ATE1: variants seen among roughly 807,000 people sequenced by gnomAD.
ATE1 encodes arginyl-tRNA--protein transferase 1.
Under a neutral mutation model 70.5 loss-of-function variants are expected in ATE1, and 36 were observed. The observed-to-expected ratio is 0.51, with a 90% confidence interval of 0.39 to 0.67. The LOEUF is 0.67. Among genes scored for constraint, ATE1 ranks in the 30% least tolerant of loss-of-function variants. The pLI is 0.00. For synonymous variants in ATE1, 232 were observed against 219.3 expected (o/e 1.06, Z -0.51); for missense variants, 593 against 629.5 (o/e 0.94, Z 0.62).
chr10:121,743,681 C>T lies in ATE1; in HGVS notation c.1556G>A (p.Ter519=), dbSNP rs1310077198. 6.2e-7 allele frequency: 1 copy of T among 1,606,158 alleles called. No individual in the cohort carries two copies. The highest frequency in any genetic ancestry group is 8.5e-7 in the Non-Finnish European group (1 of 1,176,796). The change falls in exon 12 of 12, where the codon TGA becomes TAA. Residue 519 remains the stop codon, a stop_retained_variant. Transcript: ENST00000224652. Reference sequence around the variant, plus strand: ...AACTTCCCGGCAGAGGTGAACAGGTCAGTTTCTGAACAGCAGCATCCGCTC... The same window carrying T: ...AACTTCCCGGCAGAGGTGAACAGGTTAGTTTCTGAACAGCAGCATCCGCTC... The part of the protein sequence containing the change: ...CSERMLLFRN[*]
chr10:121,928,291 C>A, upstream of ATE1: 1 of 1,492,724 alleles, frequency 6.7e-7, no homozygotes, highest in Non-Finnish European at 8.9e-7. Flanking sequence ...TTTCCCCCGC[C>A]GAGGGCCTGT....
chr10:121,861,976 G>T (rs1417026712), intron 8 of ATE1, among the ~76,000 whole-genome samples: 1 of 152,088 alleles, frequency 6.6e-6, no homozygotes, highest in Non-Finnish European at 1.5e-5. Flanking sequence ...AAGATGTCTA[G>T]TCCCCCGAGT....
chr10:121,756,587 G>C (rs1041151477), intron 11 of ATE1, among the ~76,000 whole-genome samples: 10 of 152,196 alleles, frequency 6.6e-5, no homozygotes, highest in African/African-American at 2.4e-4. Context: ...CTGAAATCTA[G>C]GCAGAGGTTC....
At chr10:121,812,659 AG>A (rs552515238) in intron 10 of ATE1, among the ~76,000 whole-genome samples, 2 of 152,218 alleles carry the variant, frequency 1.3e-5, no homozygotes, top group Non-Finnish European at 2.9e-5. Flanking sequence ...TTGCAAAAAA[AG>A]AACATAGACA....
At chr10:121,834,705 T>A (rs1948369843) in intron 10 of ATE1, among the ~76,000 whole-genome samples, 1 of 151,568 alleles carries the variant, frequency 6.6e-6, no homozygotes, top group African/African-American at 2.4e-5. Flanking sequence ...TTTCCACGAA[T>A]GGAAAAGAAG....
chr10:121,748,652 GTTTT>G (rs1034935913), intron 11 of ATE1, among the ~76,000 whole-genome samples: 1 of 142,954 alleles, frequency 7.0e-6, no homozygotes, highest in African/African-American at 2.5e-5. Flanking sequence ...TAGTTTTTTT[GTTTT>G]TTTTTTTAAC....
At chr10:121,749,291 G>T (rs1443784006) in intron 11 of ATE1, among the ~76,000 whole-genome samples, 1 of 152,068 alleles carries the variant, frequency 6.6e-6, no homozygotes, top group African/African-American at 2.4e-5. Flanking sequence ...ATTCTGTCAG[G>T]AACAATTTAT....
At chr10:121,862,833 T>A (rs1949523510) in intron 8 of ATE1, among the ~76,000 whole-genome samples, 1 of 152,070 alleles carries the variant, frequency 6.6e-6, no homozygotes, top group Admixed American at 6.5e-5. Flanking sequence ...CATAAGACAC[T>A]CCTACCAGTG....
intron 7 of ATE1, among the ~76,000 whole-genome samples, chr10:121,885,965 T>C (rs541020448): frequency 1.3e-5 from 2 of 152,056 alleles, no homozygotes; most frequent in Non-Finnish European, 2.9e-5. Flanking sequence ...TTACTATCAT[T>C]CTGTTAATTA....
At chr10:121,838,078 G>T (rs1237394327) in intron 9 of ATE1, among the ~76,000 whole-genome samples, 1 of 152,080 alleles carries the variant, frequency 6.6e-6, no homozygotes, top group Non-Finnish European at 1.5e-5. Context: ...CTCCACCTCA[G>T]ATATTCTGGG....
intron 11 of ATE1, among the ~76,000 whole-genome samples, chr10:121,753,697 T>C (rs1363657323): frequency 6.6e-6 from 1 of 152,264 alleles, no homozygotes; most frequent in Non-Finnish European, 1.5e-5. Context: ...ATTTCTATTC[T>C]ATGTTTTGAC....
intron 11 of ATE1, among the ~76,000 whole-genome samples, chr10:121,788,258 T>G (rs997791130): frequency 6.6e-6 from 1 of 152,222 alleles, no homozygotes; most frequent in African/African-American, 2.4e-5. Context: ...GCAACATATC[T>G]GATCAATGAG....
rs563302068 is a variant in ATE1 at position 121,918,677 on chromosome 10, G to A, written c.233+3672C>T. Among the ~76,000 whole-genome samples the A allele has an allele frequency of 8.6e-5, 13 of 151,912 alleles. No homozygotes were observed. In the South Asian group the frequency reaches 1.0e-3, roughly 12 times the overall value. On this transcript the variant is annotated intron_variant, in intron 3 of 11. Transcript: ENST00000224652. ...GAAGATACCTTCTCTTTATAACCAC[G>A]AAAACTGAAAGAGGACAGCACAGGA...
At chr10:121,778,553 G>C (rs1945839527) in intron 11 of ATE1, among the ~76,000 whole-genome samples, 1 of 136,802 alleles carries the variant, frequency 7.3e-6, no homozygotes, top group South Asian at 2.5e-4. Flanking sequence ...AAAACCTCCA[G>C]ATGTGGCCAG....
chr10:121,769,740 G>A (rs1366627060), intron 11 of ATE1, among the ~76,000 whole-genome samples: 1 of 152,186 alleles, frequency 6.6e-6, no homozygotes, highest in Non-Finnish European at 1.5e-5. Context: ...ATTAATGGAC[G>A]GCAAACAAGC....
In ATE1 at chr10:121,770,004, T is replaced by A. The variant is rs577598962; in HGVS notation, c.1378+20165A>T. Among the ~76,000 whole-genome samples the A allele has an allele frequency of 7.2e-4, 110 of 152,348 alleles. 5 individuals carry two copies. Among genetic ancestry groups the A allele is most frequent in the Middle Eastern group, 6.8e-3 (2 of 294 alleles). Reference sequence around the variant, plus strand: ...CCACACAACCCAGTAACTGTACTGCTGGGCATTTATCAGAACTCAAGTTTA... The same window carrying A: ...CCACACAACCCAGTAACTGTACTGCAGGGCATTTATCAGAACTCAAGTTTA... On this transcript the variant is annotated intron_variant, in intron 11 of 11. Coordinates refer to ENST00000224652, the MANE Select transcript of ATE1 (RefSeq NM_001001976.3).
chr10:121,850,195 C>T (rs1224396478), intron 8 of ATE1, among the ~76,000 whole-genome samples: 1 of 152,206 alleles, frequency 6.6e-6, no homozygotes, highest in African/African-American at 2.4e-5. Context: ...ATAAGCATTT[C>T]GTTATATGTC....
intron 11 of ATE1, among the ~76,000 whole-genome samples, chr10:121,777,425 T>C (rs1169236672): frequency 6.6e-6 from 1 of 151,014 alleles, no homozygotes; most frequent in Non-Finnish European, 1.5e-5. Context: ...CATGACAGAA[T>C]GCAGGATTCC....
At chr10:121,806,219 G>A (rs1184496515) in intron 10 of ATE1, among the ~76,000 whole-genome samples, 6 of 152,196 alleles carry the variant, frequency 3.9e-5, no homozygotes, top group African/African-American at 1.4e-4. Flanking sequence ...TGGGAGGCCA[G>A]GGTGGGTGGA....
Sources: allele counts gnomAD v4.1 joint callset (sites outside exome capture counted in the v4.1 genomes callset), GRCh38; gene constraint gnomAD v4.1.1; transcripts MANE v1.5; gene names NCBI Gene and HGNC (gene_info 2026-07-23, HGNC 2026-07-21).